The following CDH1 variants were observed in gnomAD, a reference collection of about 807,000 sequenced individuals.
CDH1 encodes the protein cadherin 1.
CDH1 carries 35 observed loss-of-function variants against 84.5 expected under a neutral mutation model. The ratio of observed to expected loss-of-function variants is 0.41; its 90% confidence interval spans 0.32 to 0.55. CDH1 has a LOEUF of 0.55. Ranked by LOEUF, CDH1 falls within the 20% of genes least tolerant of loss-of-function variation. The pLI, the probability that CDH1 is intolerant of heterozygous loss-of-function variation, is 0.19. For synonymous variants in CDH1, 417 were observed against 439.0 expected, an observed-to-expected ratio of 0.95 and a Z score of 0.63; for missense variants, 994 against 1,126.6, an observed-to-expected ratio of 0.88 and a Z score of 1.68.
Position 68,738,964 on chromosome 16 carries a change from T to TTTTTTTTTTTAA in CDH1, c.163+553_163+554insTTTTTTTTTTAA, listed in dbSNP as rs555202424. ...TTTTTTTTTTTTTTTTTTTTTTTTT[T>TTTTTTTTTTTAA]AAAGACAGGGTCTTGCTCTGTTGCC... On this transcript the variant is annotated intron_variant, in intron 2 of 15. Coordinates refer to ENST00000261769, the MANE Select transcript of CDH1 (RefSeq NM_004360.5). Among the ~76,000 whole-genome samples, 7 of 65,408 alleles carry TTTTTTTTTTTAA rather than the reference T, an allele frequency of 1.1e-4. 1 individual carries two copies. The South Asian group carries it at 1.7e-3, about 16-fold the overall frequency. 42.9% of individuals were successfully genotyped at this position (65,408 alleles called of 152,430 possible).
chr16:68,808,009 GT>G (rs1417548241), intron 3 of CDH1, among the ~76,000 whole-genome samples: 26 of 152,290 alleles, frequency 1.7e-4, no homozygotes, highest in African/African-American at 5.5e-4. Flanking sequence ...GGAGGCAGAG[GT>G]TCCAGTGAGA....
At chr16:68,812,768 G>A (rs1466095831) in intron 8 of CDH1, among the ~76,000 whole-genome samples, 2 of 152,182 alleles carry the variant, frequency 1.3e-5, no homozygotes, top group Non-Finnish European at 2.9e-5. Context: ...ATGGCCAGGC[G>A]TGGTGGCTCA....
At chr16:68,818,576 C>T (rs1316894863) in intron 10 of CDH1, among the ~76,000 whole-genome samples, 17 of 143,822 alleles carry the variant, frequency 1.2e-4, no homozygotes, top group Admixed American at 7.0e-4. Context: ...CGGCCGGGCG[C>T]GGTGGCTCAC....
At chr16:68,804,056 G>A (rs115908519) in intron 3 of CDH1, among the ~76,000 whole-genome samples, 3,904 of 148,214 alleles carry the variant, frequency 0.026, 198 homozygotes, top group African/African-American at 0.092. Flanking sequence ...GCAATAAGAA[G>A]GAGAAAGGAG....
At chr16:68,812,009 C>T in intron 7 of CDH1, 126 bp from the exon 8 acceptor site, 1 of 1,505,976 alleles carries the variant, frequency 6.6e-7, no homozygotes, top group Non-Finnish European at 9.2e-7. Context: ...AGGTTCCGTG[C>T]CTAGAAGACA....
Position 68,737,474 on chromosome 16 carries a change from T to C in CDH1, c.48+11T>C. On this transcript the variant is annotated intron_variant, in intron 1 of 15. Transcript: ENST00000261769. ...CTGCTGCTGCTGCAGGTACCCCGGA[T>C]CCCCTGACTTGCGAGGGACGCATTC... is the stretch of plus-strand genomic sequence containing the variant. The C allele has an allele frequency of 6.5e-7, 1 of 1,536,444 alleles. No homozygotes were observed. Among genetic ancestry groups the C allele is most frequent in the Non-Finnish European group, 8.7e-7 (1 of 1,147,938 alleles).
intron 2 of CDH1, among the ~76,000 whole-genome samples, chr16:68,793,818 G>A (rs1960277922): frequency 6.6e-6 from 1 of 151,948 alleles, no homozygotes; most frequent in Non-Finnish European, 1.5e-5. Flanking sequence ...CTCGAACCCG[G>A]GAGGCAGGAG....
intron 14 of CDH1, 87 bp downstream of exon 14, chr16:68,828,391 C>A (rs2152141723): frequency 7.4e-7 from 1 of 1,354,594 alleles, no homozygotes; most frequent in Non-Finnish European, 1.1e-6. Flanking sequence ...TTTGAAACAG[C>A]TCTGAATCAC....
intron 3 of CDH1, among the ~76,000 whole-genome samples, chr16:68,804,072 T>TA (rs1021237697): frequency 7.0e-6 from 1 of 143,654 alleles, no homozygotes; most frequent in African/African-American, 2.5e-5. Context: ...AGGAGAAGCA[T>TA]AAAAATTCAT....
In CDH1 at chr16:68,822,134, T is replaced by C. The variant is rs2152138425; in HGVS notation, c.1845T>C (p.Ile615=). The C allele has an allele frequency of 6.2e-7, 1 of 1,614,176 alleles. No homozygotes were observed. The highest frequency in any genetic ancestry group is 8.5e-7 in the Non-Finnish European group (1 of 1,180,018). The change falls in exon 12 of 16, where the codon ATT becomes ATC. Residue 615 remains isoleucine, a synonymous_variant. Coordinates refer to ENST00000261769, the MANE Select transcript of CDH1 (RefSeq NM_004360.5). The part of the protein sequence containing the change: ...RNPKPQVINI[I]DADLPPNTSP... Reference sequence around the variant, plus strand: ...CAAAGCCTCAGGTCATAAACATCATTGATGCAGACCTTCCTCCCAATACAT... The same window carrying C: ...CAAAGCCTCAGGTCATAAACATCATCGATGCAGACCTTCCTCCCAATACAT...
chr16:68,795,336 T>C (rs1266239673), intron 2 of CDH1, among the ~76,000 whole-genome samples: 2 of 151,622 alleles, frequency 1.3e-5, no homozygotes, highest in African/African-American at 2.4e-5. Flanking sequence ...GTTAGATTTC[T>C]TTTTTTTTAT....
chr16:68,777,213 G>A (rs1959756265), intron 2 of CDH1, among the ~76,000 whole-genome samples: 1 of 152,172 alleles, frequency 6.6e-6, no homozygotes, highest in Non-Finnish European at 1.5e-5. Flanking sequence ...AAGCATAGTG[G>A]TCAAGAGCCA....
chr16:68,828,079 CT>C, intron 13 of CDH1, 94 bp from the exon 14 acceptor site: 1 of 1,426,038 alleles, frequency 7.0e-7, no homozygotes, highest in Non-Finnish European at 9.9e-7. Flanking sequence ...TAACTGCCCC[CT>C]GTCTGGTATG....
intron 3 of CDH1, among the ~76,000 whole-genome samples, chr16:68,806,207 A>C (rs934193132): frequency 6.6e-6 from 1 of 151,340 alleles, no homozygotes; most frequent in East Asian, 1.9e-4. Context: ...GCTGGAGTGC[A>C]GTGGCATGAT....
At chr16:68,748,434 G>A (rs865839351) in intron 2 of CDH1, among the ~76,000 whole-genome samples, 2 of 152,202 alleles carry the variant, frequency 1.3e-5, no homozygotes, top group Non-Finnish European at 2.9e-5. Flanking sequence ...TTTAATTTCT[G>A]TGGGTACAAA....
At chr16:68,764,519 C>G (rs143903665) in intron 2 of CDH1, among the ~76,000 whole-genome samples, 2,306 of 152,186 alleles carry the variant, frequency 0.015, 23 homozygotes, top group South Asian at 0.029. Flanking sequence ...GAGGCTGCAG[C>G]GAACTGAGAT....
At chr16:68,737,751 G>C (rs984188943) in intron 1 of CDH1, among the ~76,000 whole-genome samples, 58 of 152,160 alleles carry the variant, frequency 3.8e-4, no homozygotes, top group Non-Finnish European at 6.8e-4. Context: ...GGCGGTGGGG[G>C]CGTGAAGCGG....
rs1961583474 is a variant in CDH1, at chr16:68,834,373, C to T, written c.*874C>T. Reference sequence around the variant, plus strand: ...AAACTCTGGGGCTCAAGCAGTTCTCCCACCAGCCTCCTTTTTATTTTTTTG... The same window carrying T: ...AAACTCTGGGGCTCAAGCAGTTCTCTCACCAGCCTCCTTTTTATTTTTTTG... On this transcript the variant is annotated 3_prime_UTR_variant, in exon 16 of 16. Transcript: ENST00000261769. 2.8e-5 allele frequency: 12 copies of T among 435,122 alleles called. No individual in the cohort carries two copies. Among genetic ancestry groups the T allele is most frequent in the South Asian group, 2.4e-4 (12 of 50,706 alleles). The allele number at this position is 435,122 out of a possible 1,614,324, so 27.0% of individuals were successfully genotyped here.
At chr16:68,804,698 CTA>C (rs1375218574) in intron 3 of CDH1, among the ~76,000 whole-genome samples, 5 of 151,898 alleles carry the variant, frequency 3.3e-5, no homozygotes, top group Middle Eastern at 3.4e-3. Flanking sequence ...TGGTTTGTCT[CTA>C]TAGTTCAAAG....
Sources: allele counts gnomAD v4.1 joint callset (sites outside exome capture counted in the v4.1 genomes callset), GRCh38; gene constraint gnomAD v4.1.1; transcripts MANE v1.5; gene names NCBI Gene and HGNC (gene_info 2026-07-23, HGNC 2026-07-21).